The following FAM174B variants were observed in gnomAD, a reference collection of about 807,000 sequenced individuals.
FAM174B encodes the protein membrane protein FAM174B.
A neutral mutation model predicts 10.9 loss-of-function variants in FAM174B; 12 were observed. The ratio of observed to expected loss-of-function variants is 1.10; its 90% CI spans 0.71 to 1.79. The LOEUF is 1.79. Ranked by LOEUF, FAM174B falls within the 40% of genes most tolerant of loss-of-function variation. FAM174B has a pLI of 0.00. For synonymous variants in FAM174B, 132 were observed against 115.8 expected, an observed-to-expected ratio of 1.14 and a Z score of -0.90; for missense variants, 266 against 233.3, an observed-to-expected ratio of 1.14 and a Z score of -0.91.
chr15:92,654,787 CA>C (rs5814547), intron 1 of FAM174B, among the ~76,000 whole-genome samples: 25,685 of 136,904 alleles, frequency 0.19, 2,351 homozygotes, highest in Middle Eastern at 0.23. Flanking sequence ...CTTTCAGTAG[CA>C]AAAAAAAAAA....
chr15:92,637,822 G>A (rs547756859), intron 1 of FAM174B, among the ~76,000 whole-genome samples: 38 of 152,352 alleles, frequency 2.5e-4, no homozygotes, highest in African/African-American at 8.9e-4. Context: ...CCATTCGTGG[G>A]CAGTGGGCCA....
At chr15:92,635,201 TATTG>T (rs2050847303) in intron 1 of FAM174B, among the ~76,000 whole-genome samples, 1 of 150,260 alleles carries the variant, frequency 6.7e-6, no homozygotes, top group Non-Finnish European at 1.5e-5. Context: ...ACACACACCC[TATTG>T]ATTCTGTTTC....
intron 1 of FAM174B, among the ~76,000 whole-genome samples, chr15:92,652,980 A>G (rs932832479): frequency 1.3e-5 from 2 of 152,186 alleles, no homozygotes; most frequent in African/African-American, 4.8e-5. Flanking sequence ...TCTAGAATCT[A>G]GCAATGACTT....
intron 1 of FAM174B, among the ~76,000 whole-genome samples, chr15:92,639,958 T>C (rs1376075675): frequency 6.6e-6 from 1 of 151,900 alleles, no homozygotes; most frequent in Non-Finnish European, 1.5e-5. Context: ...CACAGTGGCA[T>C]CCCACACTAA....
intron 1 of FAM174B, among the ~76,000 whole-genome samples, chr15:92,631,356 T>A (rs868818678): frequency 6.1e-5 from 1 of 16,422 alleles, no homozygotes; most frequent in African/African-American, 4.3e-4. Context: ...TATAATATAT[T>A]ATATATTATA....
chr15:92,621,777 G>A (rs959131939), intron 2 of FAM174B, among the ~76,000 whole-genome samples: 3 of 152,034 alleles, frequency 2.0e-5, no homozygotes, highest in Admixed American at 1.3e-4. Flanking sequence ...GGAGTCGGGG[G>A]AGCTAACCTC....
chr15:92,628,622 A>G (rs1238237406), intron 2 of FAM174B, among the ~76,000 whole-genome samples: 3 of 152,098 alleles, frequency 2.0e-5, no homozygotes, highest in Non-Finnish European at 4.4e-5. Context: ...CCTTTACCTA[A>G]AATGCAAATT....
chr15:92,641,094 G>T (rs1416454335), intron 1 of FAM174B, among the ~76,000 whole-genome samples: 1 of 151,442 alleles, frequency 6.6e-6, no homozygotes, highest in Non-Finnish European at 1.5e-5. Context: ...AAACCTAAAT[G>T]GCTCCGCATT....
chr15:92,625,009 A>G (rs1415570227), intron 2 of FAM174B, among the ~76,000 whole-genome samples: 1 of 152,204 alleles, frequency 6.6e-6, no homozygotes, highest in Non-Finnish European at 1.5e-5. Flanking sequence ...AGCTCAAAAC[A>G]CATGCAGCCG....
rs2050703990 is a variant in FAM174B, at chr15:92,619,445, G to A, written c.*11C>T. ...CTTTCCACAGGATGCCACCAGGCTG[G>A]GAAACAGGTTTTACCTAAAAGAAAG... On this transcript the variant is annotated 3_prime_UTR_variant, in exon 3 of 3. Coordinates refer to ENST00000327355, the MANE Select transcript of FAM174B (RefSeq NM_207446.3). 2 of 1,613,776 alleles carry A rather than the reference G, an allele frequency of 1.2e-6. No homozygotes were observed. The highest frequency in any genetic ancestry group is 1.1e-5 in the South Asian group (1 of 91,066).
intron 2 of FAM174B, among the ~76,000 whole-genome samples, chr15:92,623,534 G>A (rs1188150119): frequency 6.6e-6 from 1 of 152,212 alleles, no homozygotes; most frequent in African/African-American, 2.4e-5. Context: ...CATCCCACAC[G>A]AGGAGAGTGA....
At chr15:92,626,789 A>G (rs376596748) in intron 2 of FAM174B, among the ~76,000 whole-genome samples, 14 of 152,254 alleles carry the variant, frequency 9.2e-5, no homozygotes, top group African/African-American at 3.4e-4. Flanking sequence ...GCCATGGCTC[A>G]CACCTGTAAT....
At chr15:92,652,477 C>T (rs902857812) in intron 1 of FAM174B, among the ~76,000 whole-genome samples, 1 of 152,124 alleles carries the variant, frequency 6.6e-6, no homozygotes, top group Non-Finnish European at 1.5e-5. Context: ...GAGATGGGGG[C>T]TCAGGAGGGA....
intron 1 of FAM174B, among the ~76,000 whole-genome samples, chr15:92,636,759 C>T (rs2141958119): frequency 6.6e-6 from 1 of 152,304 alleles, no homozygotes; most frequent in East Asian, 1.9e-4. Flanking sequence ...CGCCTTGAGT[C>T]ATCCCTGGTA....
In FAM174B at chr15:92,617,640, C is replaced by A. The variant is rs1160367541; in HGVS notation, c.*1816G>T. On this transcript the variant is annotated 3_prime_UTR_variant, in exon 3 of 3. Coordinates refer to ENST00000327355, the MANE Select transcript of FAM174B (RefSeq NM_207446.3). The stretch of plus-strand genomic sequence containing the variant: ...AGATTCAGCTGCAGTTGTCGAAAAC[C>A]CTGTGTGAGCCAGCAGTTCCAGTTC... 1.5e-6 allele frequency: 1 copy of A among 662,508 alleles called. No individual in the cohort carries two copies. Among genetic ancestry groups the A allele is most frequent in the South Asian group, 1.6e-5 (1 of 61,418 alleles). 41.0% of individuals were successfully genotyped at this position (662,508 alleles called of 1,614,324 possible). A position where few individuals can be genotyped will look rare whatever the true frequency, so the allele number is the denominator to read the frequency against.
rs1273914548 is a variant in FAM174B, at chr15:92,617,764, G to A, written c.*1692C>T. 1 of 568,532 alleles carries A rather than the reference G, an allele frequency of 1.8e-6. No homozygotes were observed. The highest frequency in any genetic ancestry group is 3.1e-6 in the Non-Finnish European group (1 of 321,732). 35.2% of individuals were successfully genotyped at this position (568,532 alleles called of 1,614,324 possible). A position where few individuals can be genotyped will look rare whatever the true frequency, so the allele number is the denominator to read the frequency against. The stretch of plus-strand genomic sequence containing the variant: ...GGAGAGGAGAGATAAAGCAGCCACG[G>A]CTGTTCTGTTGCCAGTCCCACCCCT... On this transcript the variant is annotated 3_prime_UTR_variant, in exon 3 of 3. Coordinates refer to ENST00000327355, the MANE Select transcript of FAM174B (RefSeq NM_207446.3).
At chr15:92,654,160 A>T (rs907649176) in intron 1 of FAM174B, among the ~76,000 whole-genome samples, 1 of 152,242 alleles carries the variant, frequency 6.6e-6, no homozygotes, top group Non-Finnish European at 1.5e-5. Flanking sequence ...CCTGGACTCA[A>T]AGTCACACAC....
chr15:92,646,612 C>T (rs1221032467), intron 1 of FAM174B, among the ~76,000 whole-genome samples: 8 of 152,192 alleles, frequency 5.3e-5, no homozygotes, highest in Non-Finnish European at 1.2e-4. Flanking sequence ...ATTCTACCCT[C>T]CTCCCTTTTG....
intron 1 of FAM174B, among the ~76,000 whole-genome samples, chr15:92,653,395 A>T (rs1596304442): frequency 6.6e-6 from 1 of 152,218 alleles, no homozygotes. Context: ...TAAAAAAAAT[A>T]CACAGCCTTG....
Sources: gnomAD v4.1 joint callset for allele counts (sites outside exome capture counted in the v4.1 genomes callset) on GRCh38, gnomAD v4.1.1 for gene constraint, MANE v1.5 for transcripts, NCBI Gene and HGNC (gene_info 2026-07-23, HGNC 2026-07-21) for gene names.